NCK2: variants seen among roughly 807,000 people sequenced by gnomAD.
NCK2 encodes the protein NCK adaptor protein 2.
Under a neutral mutation model 33.9 loss-of-function variants are expected in NCK2, and 16 were observed. The observed-to-expected ratio is 0.47, with a 90% CI of 0.32 to 0.72. NCK2 has a LOEUF of 0.72. Ranked by LOEUF, NCK2 falls within the 30% of genes least tolerant of loss-of-function variation. NCK2 has a pLI of 0.03. For missense variants in NCK2, 418 were observed against 537.3 expected (o/e 0.78, Z 2.19); for synonymous variants, 273 against 239.9 (o/e 1.14, Z -1.27).
chr2:105,829,162 C>G (rs1200892042), intron 2 of NCK2, among the ~76,000 whole-genome samples: 2 of 151,960 alleles, frequency 1.3e-5, no homozygotes, highest in Non-Finnish European at 2.9e-5. Context: ...TTGATAGGTA[C>G]AAAATACGTA....
chr2:105,768,602 C>A (rs554761025), intron 1 of NCK2, among the ~76,000 whole-genome samples: 4 of 152,304 alleles, frequency 2.6e-5, no homozygotes, highest in African/African-American at 9.6e-5. Context: ...TTGTCCAACC[C>A]GCGGTCCAGG....
intron 1 of NCK2, among the ~76,000 whole-genome samples, chr2:105,774,011 C>CTT (rs34519484): frequency 0.44 from 62,804 of 142,454 alleles, 14,633 homozygotes; most frequent in African/African-American, 0.57. Context: ...TTCCAGCTAT[C>CTT]TTTTTTTTTT....
intron 1 of NCK2, among the ~76,000 whole-genome samples, chr2:105,780,312 G>GGA (rs898158145): frequency 1.5e-4 from 19 of 126,320 alleles, no homozygotes; most frequent in South Asian, 5.3e-4. Context: ...CCATAATATG[G>GGA]GAGAGAGATA....
chr2:105,779,453 T>C (rs977206049), intron 1 of NCK2, among the ~76,000 whole-genome samples: 5 of 152,204 alleles, frequency 3.3e-5, no homozygotes, highest in Admixed American at 6.5e-5. Flanking sequence ...GTGACTGTTA[T>C]ATATAGAGCT....
chr2:105,841,523 G>A (rs1316189130), intron 2 of NCK2, among the ~76,000 whole-genome samples: 2 of 152,180 alleles, frequency 1.3e-5, no homozygotes, highest in Non-Finnish European at 2.9e-5. Flanking sequence ...TCTGAACCCT[G>A]TCTTTTTGGG....
At chr2:105,791,748 G>T (rs918909065) in intron 1 of NCK2, among the ~76,000 whole-genome samples, 3 of 152,160 alleles carry the variant, frequency 2.0e-5, no homozygotes, top group Non-Finnish European at 4.4e-5. Context: ...TGTGAGTTTT[G>T]TCTATAATTT....
rs74790551 is a variant in NCK2 at position 105,893,224 on chromosome 2, C to G, written c.*48C>G. ...CCTCCCGGGCCCCACGGTGGAGCTG[C>G]CCGCCCGGCCTTGTGGCAGAGGCTC... On this transcript the variant is annotated 3_prime_UTR_variant, in exon 5 of 5. Transcript: ENST00000233154. The G allele has an allele frequency of 1.3e-6, 2 of 1,508,076 alleles. No individual in the cohort carries two copies. Among genetic ancestry groups the G allele is most frequent in the African/African-American group, 2.8e-5 (2 of 72,052 alleles). 93.4% of individuals were successfully genotyped at this position (1,508,076 alleles called of 1,614,324 possible). A position where few individuals can be genotyped will look rare whatever the true frequency, so the allele number is the denominator to read the frequency against.
At chr2:105,769,918 C>T (rs868406454) in intron 1 of NCK2, among the ~76,000 whole-genome samples, 1 of 151,966 alleles carries the variant, frequency 6.6e-6, no homozygotes, top group Non-Finnish European at 1.5e-5. Flanking sequence ...CTTTTTGATT[C>T]GGGATTTTGG....
In NCK2 at chr2:105,881,368, G is replaced by A. The variant is rs1678471093; in HGVS notation, c.267G>A (p.Ala89=). 1.9e-6 allele frequency: 3 copies of A among 1,608,254 alleles called. No homozygotes were observed. The highest frequency in any genetic ancestry group is 1.3e-5 in the African/African-American group (1 of 75,024). Residue 89 remains alanine, a synonymous_variant, in exon 4 of 5, where the codon GCG becomes GCA. Transcript: ENST00000233154. ...GCAGGAAGACCAGCGCGCGGGATGC[G>A]TCCCCCACGCCCAGCACGGACGCCG... ...KTRRKTSARD[A]SPTPSTDAEY...
chr2:105,783,683 G>A (rs140724986), intron 1 of NCK2, among the ~76,000 whole-genome samples: 2 of 152,156 alleles, frequency 1.3e-5, no homozygotes, highest in African/African-American at 2.4e-5. Context: ...CTGGGTAATA[G>A]CCCTACATAA....
intron 1 of NCK2, among the ~76,000 whole-genome samples, chr2:105,772,112 G>T (rs1055900732): frequency 6.6e-6 from 1 of 150,622 alleles, no homozygotes; most frequent in South Asian, 2.1e-4. Flanking sequence ...GATGGCGGAG[G>T]GGGTAGCGTT....
intron 1 of NCK2, among the ~76,000 whole-genome samples, chr2:105,750,993 G>A (rs1558820435): frequency 6.6e-6 from 1 of 152,176 alleles, no homozygotes; most frequent in Admixed American, 6.5e-5. Flanking sequence ...AGCGTGGCTG[G>A]AATGTTTCTG....
intron 1 of NCK2, among the ~76,000 whole-genome samples, chr2:105,770,925 C>T (rs13022429): frequency 4.5e-5 from 2 of 44,524 alleles, no homozygotes; most frequent in African/African-American, 1.8e-4. Flanking sequence ...TTTGTTTTTG[C>T]TTTTGTTTTT....
chr2:105,879,595 G>A (rs757879417), intron 3 of NCK2, among the ~76,000 whole-genome samples: 1 of 152,248 alleles, frequency 6.6e-6, no homozygotes, highest in Non-Finnish European at 1.5e-5. Flanking sequence ...AAAGAGAAAC[G>A]GCAGAGGCCA....
At chr2:105,864,306 C>A (rs1490955200) in intron 3 of NCK2, among the ~76,000 whole-genome samples, 1 of 151,984 alleles carries the variant, frequency 6.6e-6, no homozygotes, top group East Asian at 1.9e-4. Context: ...ACATCCCAAG[C>A]CCTGAGCTCA....
intron 1 of NCK2, among the ~76,000 whole-genome samples, chr2:105,746,298 A>G (rs1689285775): frequency 6.6e-6 from 1 of 152,194 alleles, no homozygotes; most frequent in Non-Finnish European, 1.5e-5. Context: ...AGAAAGAAAC[A>G]ACCCTGAGAG....
chr2:105,790,869 GC>G (rs960683383), intron 1 of NCK2, among the ~76,000 whole-genome samples: 5 of 152,212 alleles, frequency 3.3e-5, no homozygotes, highest in African/African-American at 9.7e-5. Flanking sequence ...TGGCAGGTCA[GC>G]CCGAGGCAAG....
intron 2 of NCK2, among the ~76,000 whole-genome samples, chr2:105,841,501 T>C (rs1676644443): frequency 6.6e-6 from 1 of 152,194 alleles, no homozygotes; most frequent in Non-Finnish European, 1.5e-5. Context: ...TGTTCAGATA[T>C]CTGGAAGCCC....
Position 105,781,761 on chromosome 2 carries a change from G to A in NCK2, c.-200-34669G>A, listed in dbSNP as rs142309361. Reference sequence around the variant, plus strand: ...TTATGTTGTCTGTGACAGAGCTGTCGCCTCTCCGCAGTACGAAAATTTGTA... The same window carrying A: ...TTATGTTGTCTGTGACAGAGCTGTCACCTCTCCGCAGTACGAAAATTTGTA... On this transcript the variant is annotated intron_variant, in intron 1 of 4. Coordinates refer to ENST00000233154, the MANE Select transcript of NCK2 (RefSeq NM_003581.5). Among the ~76,000 whole-genome samples the A allele has an allele frequency of 1.8e-3, 280 of 152,308 alleles. 3 individuals carry two copies. The highest frequency in any genetic ancestry group is 6.4e-3 in the African/African-American group (265 of 41,564).
Sources: gnomAD v4.1 joint callset for allele counts (sites outside exome capture counted in the v4.1 genomes callset) on GRCh38, gnomAD v4.1.1 for gene constraint, MANE v1.5 for transcripts, NCBI Gene and HGNC (gene_info 2026-07-23, HGNC 2026-07-21) for gene names.